EPHB4: variants seen among roughly 807,000 people sequenced by gnomAD.
EPHB4 encodes the protein ephrin type-B receptor 4.
In EPHB4, 50 loss-of-function variants were observed where a neutral mutation model predicts 110.6. The observed-to-expected ratio is 0.45, with a 90% CI of 0.36 to 0.57. EPHB4 has a LOEUF of 0.57. Ranked by LOEUF, EPHB4 falls within the 20% of genes least tolerant of loss-of-function variation. The pLI is 0.00. For missense variants in EPHB4, 1,128 were observed against 1,382.1 expected (o/e 0.82, Z 2.91); for synonymous variants, 592 against 578.4 (o/e 1.02, Z -0.34).
Position 100,822,367 on chromosome 7 carries a change from A to G in EPHB4, c.712T>C (p.Tyr238His). 1 of 1,574,426 alleles carries G rather than the reference A, an allele frequency of 6.4e-7. No homozygotes were observed. Among genetic ancestry groups the G allele is most frequent in the Non-Finnish European group, 8.6e-7 (1 of 1,159,234 alleles). ...GCCCACTGGCCATCCTCACGGCAGT[A>G]GAGGCTGGGGCTGGGGCCAGGGGCG... ...VPAPGPSPSL[Y>H]CREDGQWAEQ... is the part of the protein sequence containing the mutation. The change falls in exon 4 of 17, where the codon TAC becomes CAC. Residue 238 changes from tyrosine (Y) to histidine (H), a missense_variant. This residue lies in a region of EPHB4 where 728 missense variants were observed against 828.6 expected (regional missense o/e 0.88). Coordinates refer to ENST00000358173, the MANE Select transcript of EPHB4 (RefSeq NM_004444.5). This position sits in a 1 kb window ranked among gnomAD's most constrained non-coding sequence, Gnocchi z 4.7.
intron 8 of EPHB4, among the ~76,000 whole-genome samples, chr7:100,816,144 C>A (rs574451255): frequency 5.4e-5 from 8 of 147,940 alleles, no homozygotes; most frequent in African/African-American, 1.7e-4. Flanking sequence ...CCAGCCTGGG[C>A]AACAGAGTGA....
Position 100,819,903 on chromosome 7 carries a change from G to C in EPHB4, c.965-14C>G, listed in dbSNP as rs765915723. The C allele has an allele frequency of 2.2e-5, 34 of 1,538,152 alleles. No homozygotes were observed. Among genetic ancestry groups the C allele is most frequent in the Middle Eastern group, 2.0e-4 (1 of 4,986 alleles). On this transcript the variant is annotated splice_polypyrimidine_tract_variant and intron_variant, in intron 5 of 16. Coordinates refer to ENST00000358173, the MANE Select transcript of EPHB4 (RefSeq NM_004444.5). ...CCGAAGGAGGGGCTGCAGGAGACCA[G>C]GGAGTCAGGCAGAGGCCGACCTGCT...
At chr7:100,806,644 T>G (rs938113151) in intron 13 of EPHB4, 75 bp from the exon 14 acceptor site, 4 of 1,502,566 alleles carry the variant, frequency 2.7e-6, no homozygotes, top group South Asian at 1.3e-5. Flanking sequence ...TGCCCCCCAG[T>G]CCCCCACCTG....
At position 100,827,164 on chromosome 7, in the gene EPHB4, T is replaced by G. The variant is rs1477703908; in HGVS notation, c.-134A>C. Reference sequence around the variant, plus strand: ...CGTCGGGGCCCTCAGCGCGGGCCCATGCGAGCGTGCGGGGCACCGGGCGGC... The same window carrying G: ...CGTCGGGGCCCTCAGCGCGGGCCCAGGCGAGCGTGCGGGGCACCGGGCGGC... On this transcript the variant is annotated 5_prime_UTR_variant, in exon 1 of 17. An upstream start codon of the reference 5' UTR is lost. Coordinates refer to ENST00000358173, the MANE Select transcript of EPHB4 (RefSeq NM_004444.5). 1.1e-6 allele frequency: 1 copy of G among 885,214 alleles called. No homozygotes were observed. Among genetic ancestry groups the G allele is most frequent in the East Asian group, 3.4e-5 (1 of 29,804 alleles). The allele number at this position is 885,214 out of a possible 1,614,324, so 54.8% of individuals were successfully genotyped here. A position where few individuals can be genotyped will look rare whatever the true frequency, so the allele number is the denominator to read the frequency against.
At position 100,819,726 on chromosome 7, in the gene EPHB4, G is replaced by A. The variant is rs1562971953; in HGVS notation, c.1128C>T (p.Asp376=). The change falls in exon 6 of 17, where the codon GAC becomes GAT. Residue 376 remains aspartate, a synonymous_variant. Coordinates refer to ENST00000358173, the MANE Select transcript of EPHB4 (RefSeq NM_004444.5). ...PGGSCAPCGG[D]LTFDPGPRDL... is the part of the protein sequence containing the mutation. Reference sequence around the variant, plus strand: ...CCCGGGGGCCGGGGTCAAAAGTCAGGTCTCCCCCGCAGGGCGCACAGGAGC... The same window carrying A: ...CCCGGGGGCCGGGGTCAAAAGTCAGATCTCCCCCGCAGGGCGCACAGGAGC... 1 of 1,612,432 alleles carries A rather than the reference G, an allele frequency of 6.2e-7. No individual in the cohort carries two copies. Among genetic ancestry groups the A allele is most frequent in the Non-Finnish European group, 8.5e-7 (1 of 1,179,524 alleles).
Position 100,823,775 on chromosome 7 carries a change from T to A in EPHB4, c.280A>T (p.Met94Leu). 3 of 1,613,546 alleles carry A rather than the reference T, an allele frequency of 1.9e-6. No homozygotes were observed. The East Asian group carries it at 6.7e-5, about 36-fold the overall frequency. The change falls in exon 3 of 17, where the codon ATG becomes TTG. Residue 94 changes from methionine to leucine, a missense_variant. By Grantham distance (15) the Met-to-Leu change is conservative (BLOSUM62 2). This residue lies in a region of EPHB4 where 728 missense variants were observed against 828.6 expected (regional missense o/e 0.88). Coordinates refer to ENST00000358173, the MANE Select transcript of EPHB4 (RefSeq NM_004444.5). ...VHVYATLRFT[M>L]LECLSLPRAG... ...CGAGGCAGGGACAGGCACTCGAGCATGGTGAAGCGCAGCGTGGCGTACACG... is the reference window on the plus strand; with the variant it reads ...CGAGGCAGGGACAGGCACTCGAGCAAGGTGAAGCGCAGCGTGGCGTACACG...
At chr7:100,823,962 T>A (rs763798622) in intron 2 of EPHB4, 31 bp from the exon 3 acceptor site, 25 of 1,547,454 alleles carry the variant, frequency 1.6e-5, no homozygotes, top group Non-Finnish European at 4.4e-6. Flanking sequence ...GCAAGGGGGC[T>A]GGGGAGCCGC....
At chr7:100,824,035 T>C (rs1813310869) in intron 2 of EPHB4, 104 bp from the exon 3 acceptor site, 2 of 1,513,996 alleles carry the variant, frequency 1.3e-6, no homozygotes, top group Non-Finnish European at 1.8e-6. Context: ...GGGGGGCTGC[T>C]GGTACTGCGA....
chr7:100,823,119 T>A (rs987939229), intron 3 of EPHB4, among the ~76,000 whole-genome samples: 4 of 152,168 alleles, frequency 2.6e-5, no homozygotes, highest in Admixed American at 1.3e-4. Flanking sequence ...GACCCCGCTT[T>A]AAAAATATAG....
intron 8 of EPHB4, among the ~76,000 whole-genome samples, chr7:100,814,931 C>T (rs1367404994): frequency 6.6e-6 from 1 of 152,064 alleles, no homozygotes; most frequent in Non-Finnish European, 1.5e-5. Flanking sequence ...GTAGGAGGAT[C>T]GCTTGAGCCC....
At chr7:100,818,118 C>G (rs749274806) in intron 7 of EPHB4, among the ~76,000 whole-genome samples, 1 of 151,984 alleles carries the variant, frequency 6.6e-6, no homozygotes. Context: ...CCGCCCACCT[C>G]GGCCTCCCAA....
chr7:100,827,147 C>G lies in EPHB4; in HGVS notation c.-117G>C. 1 of 1,188,490 alleles carries G rather than the reference C, an allele frequency of 8.4e-7. No homozygotes were observed. Among genetic ancestry groups the G allele is most frequent in the Non-Finnish European group, 1.2e-6 (1 of 863,348 alleles). The allele number at this position is 1,188,490 out of a possible 1,614,324, so 73.6% of individuals were successfully genotyped here. A position where few individuals can be genotyped will look rare whatever the true frequency, so the allele number is the denominator to read the frequency against. Reference sequence around the variant, plus strand: ...CTCCGCGCGGGACTCCTCGTCGGGGCCCTCAGCGCGGGCCCATGCGAGCGT... The same window carrying G: ...CTCCGCGCGGGACTCCTCGTCGGGGGCCTCAGCGCGGGCCCATGCGAGCGT... On this transcript the variant is annotated 5_prime_UTR_variant, in exon 1 of 17. Coordinates refer to ENST00000358173, the MANE Select transcript of EPHB4 (RefSeq NM_004444.5).
At chr7:100,823,614 T>C (rs547723421) in intron 3 of EPHB4, 30 bp downstream of exon 3, 1 of 1,601,346 alleles carries the variant, frequency 6.2e-7, no homozygotes, top group East Asian at 2.2e-5. Context: ...CCACCTTGGC[T>C]GTGGCTGAGC....
Position 100,820,314 on chromosome 7 carries a change from T to G in EPHB4, c.809-18A>C. On this transcript the variant is annotated intron_variant, in intron 4 of 16. Coordinates refer to ENST00000358173, the MANE Select transcript of EPHB4 (RefSeq NM_004444.5). Reference sequence around the variant, plus strand: ...GGCACAGGCTGAGAGAGAGAAAGCATTCATCAAAAGCATGCACAAAAACAT... The same window carrying G: ...GGCACAGGCTGAGAGAGAGAAAGCAGTCATCAAAAGCATGCACAAAAACAT... 2 of 1,611,826 alleles carry G rather than the reference T, an allele frequency of 1.2e-6. No homozygotes were observed. The highest frequency in any genetic ancestry group is 1.7e-6 in the Non-Finnish European group (2 of 1,179,240).
In EPHB4 at chr7:100,819,900, C is replaced by A; in HGVS notation, c.965-11G>T. On this transcript the variant is annotated splice_polypyrimidine_tract_variant and intron_variant, in intron 5 of 16. Coordinates refer to ENST00000358173, the MANE Select transcript of EPHB4 (RefSeq NM_004444.5). The stretch of plus-strand genomic sequence containing the variant: ...GAGCCGAAGGAGGGGCTGCAGGAGA[C>A]CAGGGAGTCAGGCAGAGGCCGACCT... 6.5e-7 allele frequency: 1 copy of A among 1,538,644 alleles called. No homozygotes were observed. Among genetic ancestry groups the A allele is most frequent in the Non-Finnish European group, 8.8e-7 (1 of 1,138,986 alleles).
intron 12 of EPHB4, among the ~76,000 whole-genome samples, chr7:100,812,451 T>G (rs1327960757): frequency 6.6e-6 from 1 of 151,940 alleles, no homozygotes; most frequent in African/African-American, 2.4e-5. Flanking sequence ...TTAGTCAGCA[T>G]GGTGGTGCAT....
At position 100,818,594 on chromosome 7, in the gene EPHB4, A is replaced by G; in HGVS notation, c.1348T>C (p.Leu450=). ...CGGGGAACAGCCCAGGCCAGGCTCA[A>G]GCTGCTGGGTGAGGACCGCGTCACC... is the stretch of plus-strand genomic sequence containing the variant. The part of the protein sequence containing the change: ...IRVTRSSPSS[L]SLAWAVPRAP... Residue 450 remains leucine, a synonymous_variant, in exon 7 of 17, where the codon TTG becomes CTG. Coordinates refer to ENST00000358173, the MANE Select transcript of EPHB4 (RefSeq NM_004444.5). The G allele has an allele frequency of 6.2e-7, 1 of 1,613,616 alleles. No individual in the cohort carries two copies. Among genetic ancestry groups the G allele is most frequent in the Non-Finnish European group, 8.5e-7 (1 of 1,180,016 alleles).
chr7:100,814,555 T>C (rs1324355722), intron 8 of EPHB4, among the ~76,000 whole-genome samples: 1 of 152,146 alleles, frequency 6.6e-6, no homozygotes, highest in Non-Finnish European at 1.5e-5. Flanking sequence ...CTAGTATAAA[T>C]ACCAGAGTCC....
At chr7:100,819,358 T>C (rs1357682101) in intron 6 of EPHB4, among the ~76,000 whole-genome samples, 199 bp downstream of exon 6, 1 of 152,106 alleles carries the variant, frequency 6.6e-6, no homozygotes, top group Non-Finnish European at 1.5e-5. Context: ...GATCCGCCTG[T>C]CTCAGCCTCT....
Sources: allele counts gnomAD v4.1 joint callset (sites outside exome capture counted in the v4.1 genomes callset), GRCh38; gene constraint gnomAD v4.1.1; regional missense constraint gnomAD v4.1.1; non-coding constraint Gnocchi (gnomAD v3.1); transcripts MANE v1.5; gene names NCBI Gene and HGNC (gene_info 2026-07-23, HGNC 2026-07-21).